Variants in CENPE observed in about 807,000 individuals in gnomAD.
The protein encoded by CENPE is centromere protein E.
In CENPE, 145 loss-of-function variants were observed where a neutral mutation model predicts 336.1. The observed-to-expected ratio is 0.43, with a 90% CI of 0.38 to 0.50. The LOEUF (loss-of-function observed/expected upper bound fraction) is 0.50. Ranked by LOEUF, CENPE falls within the 20% of genes least tolerant of loss-of-function variation. The pLI, the probability that CENPE is intolerant of heterozygous loss-of-function variation, is 0.00. For synonymous variants in CENPE, 1,013 were observed against 984.8 expected (o/e 1.03, Z -0.54); for missense variants, 2,719 against 3,023.3 (o/e 0.90, Z 2.36).
chr4:103,131,640 A>C (rs1208692373), intron 42 of CENPE, among the ~76,000 whole-genome samples: 2 of 152,222 alleles, frequency 1.3e-5, no homozygotes, highest in African/African-American at 2.4e-5. Context: ...TGTCCACACA[A>C]AAAGATACAT....
intron 42 of CENPE, among the ~76,000 whole-genome samples, chr4:103,131,425 G>C (rs1051857846): frequency 4.6e-5 from 7 of 152,250 alleles, no homozygotes; most frequent in African/African-American, 1.7e-4. Context: ...ACACTTACTA[G>C]AATGGTCAAA....
Position 103,110,834 on chromosome 4 carries a change from A to G in CENPE, c.7718T>C (p.Leu2573Ser), listed in dbSNP as rs948887103. ...TCATGTAAGCAGATCTTACCTTAAC[A>G]ATTCATTCTTTTGTTTTATTAGCTG... ...NEQLIKQKNE[L>S]LSNNQHLSNE... Residue 2573 changes from leucine (L) to serine (S), a missense_variant, in exon 47 of 49, where the codon TTG becomes TCG. This residue lies in a region of CENPE where 2,437 missense variants were observed against 2,513.3 expected (regional missense o/e 0.97). Transcript: ENST00000265148. 4 of 1,595,838 alleles carry G rather than the reference A, an allele frequency of 2.5e-6. No homozygotes were observed. In the African/African-American group the frequency reaches 5.4e-5, roughly 22 times the overall value.
chr4:103,114,396 A>T (rs1012322069), intron 46 of CENPE, 59 bp downstream of exon 46: 2 of 1,004,004 alleles, frequency 2.0e-6, no homozygotes, highest in African/African-American at 1.6e-5. Context: ...TAGTCTTCAA[A>T]GTCTGTTGTG....
At chr4:103,149,619 T>G (rs904831369) in intron 26 of CENPE, among the ~76,000 whole-genome samples, 2 of 152,156 alleles carry the variant, frequency 1.3e-5, no homozygotes, top group Non-Finnish European at 2.9e-5. Flanking sequence ...GTGAACTTAT[T>G]TGGAAATAGA....
intron 24 of CENPE, among the ~76,000 whole-genome samples, chr4:103,155,469 G>A (rs966585550): frequency 6.6e-6 from 1 of 151,962 alleles, no homozygotes; most frequent in South Asian, 2.1e-4. Flanking sequence ...TTGCTACCAT[G>A]CCTGGCTAAT....
Position 103,147,488 on chromosome 4 carries a change from A to G in CENPE, c.4002T>C (p.Asn1334=). ...ARIEMERLRL[N]EKFQESQEEI... is the part of the protein sequence containing the mutation. ...CTTCCTGACTTTCTTGAAATTTTTC[A>G]TTCAACCTGAGCCTTTCCATTTCTA... The change falls in exon 29 of 49, where the codon AAT becomes AAC. Residue 1334 remains asparagine, a synonymous_variant. Coordinates refer to ENST00000265148, the MANE Select transcript of CENPE (RefSeq NM_001813.3). 1 of 1,614,008 alleles carries G rather than the reference A, an allele frequency of 6.2e-7. No individual in the cohort carries two copies. The highest frequency in any genetic ancestry group is 8.5e-7 in the Non-Finnish European group (1 of 1,179,992).
chr4:103,108,947 G>A lies in CENPE; in HGVS notation c.7867C>T (p.Pro2623Ser). The A allele has an allele frequency of 1.2e-6, 2 of 1,613,876 alleles. No homozygotes were observed. Among genetic ancestry groups the A allele is most frequent in the Non-Finnish European group, 1.7e-6 (2 of 1,179,862 alleles). ...AAATTCCGTTCCTTGCATTGAGAGG[G>A]TGTAATTTGTTTCTTTTTAGAAGCT... ...GTASKKKQITPSQCKERNLQD... is the reference protein window; with the variant it reads ...GTASKKKQITSSQCKERNLQD... The change falls in exon 48 of 49, where the codon CCC (proline) becomes TCC (serine). Residue 2623 changes from proline to serine, a missense_variant. Physicochemically the swap from Pro to Ser is moderately conservative, Grantham distance 74. This residue lies in a region of CENPE where 2,437 missense variants were observed against 2,513.3 expected (regional missense o/e 0.97). Transcript: ENST00000265148.
chr4:103,184,778 G>A (rs2126029160), intron 9 of CENPE, among the ~76,000 whole-genome samples: 1 of 151,850 alleles, frequency 6.6e-6, no homozygotes, highest in East Asian at 1.9e-4. Context: ...TCCACTTTCT[G>A]CTTTTTGGAA....
At chr4:103,155,451 C>T (rs1015021109) in intron 24 of CENPE, among the ~76,000 whole-genome samples, 6 of 152,052 alleles carry the variant, frequency 3.9e-5, no homozygotes, top group African/African-American at 1.4e-4. Flanking sequence ...GCTGAGACTA[C>T]AGGTGCATTG....
In CENPE at chr4:103,134,564, C is replaced by T. The variant is rs941700504; in HGVS notation, c.6523-672G>A. ...AGGAGAATGGCGTGAACCCGGGAGG[C>T]GGAGCTTGCAGTGAGCCGAGATCAT... is the stretch of plus-strand genomic sequence containing the variant. On this transcript the variant is annotated intron_variant, in intron 40 of 48. Coordinates refer to ENST00000265148, the MANE Select transcript of CENPE (RefSeq NM_001813.3). 3.0e-5 allele frequency among the ~76,000 whole-genome samples: 4 copies of T among 133,426 alleles called. No homozygotes were observed. The East Asian group carries it at 7.4e-4, about 25-fold the overall frequency. 87.5% of individuals were successfully genotyped at this position (133,426 alleles called of 152,430 possible).
intron 8 of CENPE, among the ~76,000 whole-genome samples, chr4:103,190,035 A>C (rs1273547394): frequency 6.6e-6 from 1 of 152,222 alleles, no homozygotes; most frequent in Non-Finnish European, 1.5e-5. Flanking sequence ...GTGAATTCCC[A>C]TTCACAATTG....
Position 103,159,111 on chromosome 4 carries a change from T to C in CENPE, c.2500A>G (p.Lys834Glu). 2 of 1,603,756 alleles carry C rather than the reference T, an allele frequency of 1.2e-6. No individual in the cohort carries two copies. Among genetic ancestry groups the C allele is most frequent in the East Asian group, 2.2e-5 (1 of 44,820 alleles). ...TLHMDFEQKY[K>E]MVLEENERMN... ...CTCTCATTCTCCTCAAGGACCATCT[T>C]ATACTTTTGCTCAAAGTCCATATGA... Residue 834 changes from lysine (K) to glutamate (E), a missense_variant, in exon 22 of 49, where the codon AAG becomes GAG. Lys to Glu is a moderately conservative substitution (Grantham distance 56). This residue lies in a region of CENPE where 2,437 missense variants were observed against 2,513.3 expected (regional missense o/e 0.97). Transcript: ENST00000265148.
intron 11 of CENPE, 78 bp downstream of exon 11, chr4:103,182,684 G>C (rs574291623): frequency 8.2e-7 from 1 of 1,213,096 alleles, no homozygotes; most frequent in East Asian, 2.5e-5. Flanking sequence ...AAAAAACTAT[G>C]CTTAATTTTA....
At chr4:103,194,043 C>A (rs1042034691) in intron 8 of CENPE, among the ~76,000 whole-genome samples, 186 bp downstream of exon 8, 1 of 151,940 alleles carries the variant, frequency 6.6e-6, no homozygotes, top group African/African-American at 2.4e-5. Context: ...AAGAAAGATC[C>A]TCTGAATTTT....
At chr4:103,189,168 A>C (rs998002189) in intron 8 of CENPE, among the ~76,000 whole-genome samples, 11 of 152,254 alleles carry the variant, frequency 7.2e-5, no homozygotes, top group African/African-American at 2.6e-4. Flanking sequence ...CAACCAAAAG[A>C]AGCCCAGGAC....
At chr4:103,183,008 TTA>T in intron 10 of CENPE, 117 bp from the exon 11 acceptor site, 1 of 1,104,678 alleles carries the variant, frequency 9.1e-7, no homozygotes, top group South Asian at 1.6e-5. Context: ...AGTTTACAAG[TTA>T]TATGAGGCAG....
intron 39 of CENPE, among the ~76,000 whole-genome samples, 178 bp downstream of exon 39, chr4:103,138,173 G>T (rs1415753950): frequency 6.6e-6 from 1 of 152,060 alleles, no homozygotes; most frequent in African/African-American, 2.4e-5. Flanking sequence ...TCCCATTGTT[G>T]TTTGTGTATG....
At chr4:103,197,993 GA>G (rs1268916400) in intron 1 of CENPE, among the ~76,000 whole-genome samples, 2 of 152,248 alleles carry the variant, frequency 1.3e-5, no homozygotes, top group Non-Finnish European at 2.9e-5. Context: ...GGGAGGAGCA[GA>G]TGCCGCAAGG....
At position 103,163,137 on chromosome 4, in the gene CENPE, C is replaced by T. The variant is rs758543335; in HGVS notation, c.1842G>A (p.Leu614=). The change falls in exon 18 of 49, where the codon TTG becomes TTA. Residue 614 remains leucine (L), a splice_region_variant and synonymous_variant. Transcript: ENST00000265148. ...ACAACAAAATACGCCTGATTTTTAC[C>T]AATGAGTATGACAAGTCCATTTTTA... ...ENIKMDLSYS[L]ESIEDPKQMK... 8.1e-6 allele frequency: 13 copies of T among 1,600,472 alleles called. No individual in the cohort carries two copies. The East Asian group carries it at 2.9e-4, about 36-fold the overall frequency.
Sources: allele counts gnomAD v4.1 joint callset (sites outside exome capture counted in the v4.1 genomes callset), GRCh38; gene constraint gnomAD v4.1.1; regional missense constraint gnomAD v4.1.1; transcripts MANE v1.5; gene names NCBI Gene and HGNC (gene_info 2026-07-23, HGNC 2026-07-21).